The following CSTPP1 variants were observed in gnomAD, a reference collection of about 807,000 sequenced individuals.
CSTPP1 encodes the protein UPF0705 protein C11orf49.
the CSTPP1 span, among the ~76,000 whole-genome samples, chr11:47,069,796 C>CTCCTGGG: frequency 6.6e-6 from 1 of 152,194 alleles, no homozygotes. Flanking sequence ...CTACCTCCTC[C>CTCCTGGG]TCCTGGGTCC....
the CSTPP1 span, among the ~76,000 whole-genome samples, chr11:47,073,529 T>A: frequency 6.6e-6 from 1 of 152,130 alleles, no homozygotes; most frequent in African/African-American, 2.4e-5. Context: ...CCCTGTATTT[T>A]TTTGAGAAAT....
chr11:46,951,092 C>G, the CSTPP1 span, among the ~76,000 whole-genome samples: 1 of 151,992 alleles, frequency 6.6e-6, no homozygotes, highest in Non-Finnish European at 1.5e-5. Flanking sequence ...ATAACTTGTC[C>G]AAGGTCACTG....
chr11:47,040,486 T>C, the CSTPP1 span, among the ~76,000 whole-genome samples: 1 of 126,120 alleles, frequency 7.9e-6, no homozygotes, highest in East Asian at 2.1e-4. Context: ...GCACCATGTT[T>C]GCGAGGCTGA....
At chr11:47,162,262 G>A in the CSTPP1 span, 2 of 985,322 alleles carry the variant, frequency 2.0e-6, no homozygotes, top group African/African-American at 3.5e-5. Flanking sequence ...TGAGTCTAAA[G>A]CTCCTAGGCT....
chr11:47,118,631 GTTTTGGTGTAGATGACC>G, the CSTPP1 span, among the ~76,000 whole-genome samples: 1 of 152,174 alleles, frequency 6.6e-6, no homozygotes, highest in Non-Finnish European at 1.5e-5. Flanking sequence ...TACAGATGGG[GTTTTGGTGTAGATGACC>G]TTTTGGTTGA....
the CSTPP1 span, among the ~76,000 whole-genome samples, chr11:47,152,511 G>A: frequency 0.25 from 38,439 of 152,068 alleles, 5,529 homozygotes; most frequent in East Asian, 0.65. Flanking sequence ...CAGCATTAAG[G>A]CTTCCGCGAG....
At chr11:47,137,854 G>A in the CSTPP1 span, 18 of 874,218 alleles carry the variant, frequency 2.1e-5, no homozygotes, top group South Asian at 2.8e-4. Flanking sequence ...TGGGAGAGGG[G>A]TCTATTTGGG....
At chr11:46,938,385 T>TATAGATACATATA in the CSTPP1 span, among the ~76,000 whole-genome samples, 1 of 149,608 alleles carries the variant, frequency 6.7e-6, no homozygotes, top group Non-Finnish European at 1.5e-5. Context: ...TACATATTAT[T>TATAGATACATATA]AACTAAAGTC....
the CSTPP1 span, among the ~76,000 whole-genome samples, chr11:46,944,137 G>A: frequency 1.3e-5 from 2 of 152,034 alleles, no homozygotes; most frequent in South Asian, 4.2e-4. Context: ...GGCCAAAATG[G>A]TGAAACCCCA....
chr11:47,157,066 A>C, the CSTPP1 span: 4 of 1,614,150 alleles, frequency 2.5e-6, no homozygotes, highest in Non-Finnish European at 3.4e-6. Context: ...ACCTGCTGTC[A>C]GGCAAGAACC....
chr11:46,996,524 G>A, the CSTPP1 span, among the ~76,000 whole-genome samples: 10 of 151,918 alleles, frequency 6.6e-5, no homozygotes, highest in Non-Finnish European at 1.5e-4. Flanking sequence ...GGATGGTCTC[G>A]ATCTCCTGAC....
the CSTPP1 span, among the ~76,000 whole-genome samples, chr11:46,958,033 A>G: frequency 6.6e-5 from 10 of 152,176 alleles, no homozygotes; most frequent in South Asian, 2.1e-3. Context: ...AGTAAGATCA[A>G]CCCCCTCCAT....
At chr11:46,953,247 C>T in the CSTPP1 span, among the ~76,000 whole-genome samples, 3 of 152,124 alleles carry the variant, frequency 2.0e-5, no homozygotes, top group East Asian at 5.8e-4. Flanking sequence ...TGAGAATAGG[C>T]TAGATTCGTT....
At chr11:46,959,454 A>T in the CSTPP1 span, among the ~76,000 whole-genome samples, 1 of 152,160 alleles carries the variant, frequency 6.6e-6, no homozygotes, top group Non-Finnish European at 1.5e-5. Flanking sequence ...CTCAATAGAG[A>T]ATAAACCTTT....
the CSTPP1 span, among the ~76,000 whole-genome samples, chr11:46,961,501 G>T: frequency 6.6e-6 from 1 of 152,062 alleles, no homozygotes; most frequent in African/African-American, 2.4e-5. Flanking sequence ...TATATGATTT[G>T]CAAATATTTT....
At chr11:47,047,050 G>A in the CSTPP1 span, among the ~76,000 whole-genome samples, 1 of 151,766 alleles carries the variant, frequency 6.6e-6, no homozygotes, top group South Asian at 2.1e-4. Flanking sequence ...ACAGGTGCCC[G>A]CCACCACACC....
chr11:47,163,795 ACCGCCCCCACC>A, the CSTPP1 span, among the ~76,000 whole-genome samples: 1 of 151,458 alleles, frequency 6.6e-6, no homozygotes, highest in Non-Finnish European at 1.5e-5. Flanking sequence ...CATGCACCAC[ACCGCCCCCACC>A]CCGCTAATTT....
the CSTPP1 span, among the ~76,000 whole-genome samples, chr11:47,116,303 G>T: frequency 0.021 from 3,234 of 152,306 alleles, 52 homozygotes; most frequent in Non-Finnish European, 0.033. Context: ...TTGATTTGGG[G>T]TGGAAAGTTC....
the CSTPP1 span, among the ~76,000 whole-genome samples, chr11:47,069,082 TAAATAA>T: frequency 6.6e-6 from 1 of 152,210 alleles, no homozygotes; most frequent in Non-Finnish European, 1.5e-5. Context: ...TTATAGACTT[TAAATAA>T]AAGTATGTTT....
Sources: gnomAD v4.1 joint callset for allele counts (sites outside exome capture counted in the v4.1 genomes callset) on GRCh38, gnomAD v4.1.1 for gene constraint, MANE v1.5 for transcripts, NCBI Gene and HGNC (gene_info 2026-07-23, HGNC 2026-07-21) for gene names.